Variants in SYNE1 observed in about 807,000 individuals in gnomAD.
The protein encoded by SYNE1 is spectrin repeat containing nuclear envelope protein 1.
A neutral mutation model predicts 1,111.0 loss-of-function variants in SYNE1; 616 were observed. The observed-to-expected ratio is 0.55, with a 90% CI of 0.52 to 0.59. SYNE1 has a LOEUF of 0.59. Ranked by LOEUF, SYNE1 falls within the 20% of genes least tolerant of loss-of-function variation. SYNE1 has a pLI of 0.00. For missense variants in SYNE1, 10,006 were observed against 10,417.0 expected (o/e 0.96, Z 1.72); for synonymous variants, 3,855 against 3,825.8 (o/e 1.01, Z -0.28).
Position 152,429,675 on chromosome 6 carries a change from G to A in SYNE1, c.4788+437C>T, listed in dbSNP as rs77909095. ...CTGTCTGTAGCCTTGCAGAAGATTC[G>A]CAATGATGAGAAAAACCAATCATTG... On this transcript the variant is annotated intron_variant, in intron 36 of 145. Coordinates refer to ENST00000367255, the MANE Select transcript of SYNE1 (RefSeq NM_182961.4). 7.7e-3 allele frequency among the ~76,000 whole-genome samples: 1,168 copies of A among 152,132 alleles called. 13 individuals are homozygous for A. Among genetic ancestry groups the A allele is most frequent in the African/African-American group, 0.026 (1,080 of 41,498 alleles).
intron 2 of SYNE1, among the ~76,000 whole-genome samples, chr6:152,630,266 G>T: frequency 6.6e-6 from 1 of 152,150 alleles, no homozygotes; most frequent in East Asian, 1.9e-4. Flanking sequence ...GGAAGTCATT[G>T]GTAGGAAGAT....
At chr6:152,622,890 G>A (rs908094518) in intron 3 of SYNE1, among the ~76,000 whole-genome samples, 1 of 152,112 alleles carries the variant, frequency 6.6e-6, no homozygotes, top group Non-Finnish European at 1.5e-5. Flanking sequence ...CCAACAGCAT[G>A]TAAGCATTCC....
At chr6:152,532,320 T>C (rs2099207123) in intron 4 of SYNE1, among the ~76,000 whole-genome samples, 1 of 152,206 alleles carries the variant, frequency 6.6e-6, no homozygotes, top group African/African-American at 2.4e-5. Flanking sequence ...TTTGCCATCA[T>C]CCATAATCAC....
At chr6:152,184,202 G>A (rs925948298) in intron 128 of SYNE1, among the ~76,000 whole-genome samples, 3 of 152,188 alleles carry the variant, frequency 2.0e-5, no homozygotes, top group Non-Finnish European at 4.4e-5. Context: ...TTCGGAGACT[G>A]AAGCAGGTGG....
intron 34 of SYNE1, among the ~76,000 whole-genome samples, chr6:152,431,809 TATGA>T (rs1426484209): frequency 6.6e-6 from 1 of 152,222 alleles, no homozygotes; most frequent in Non-Finnish European, 1.5e-5. Context: ...TTATTTTTCA[TATGA>T]ATGAATGAAG....
At position 152,176,511 on chromosome 6, in the gene SYNE1, T is replaced by C. The variant is rs555150996; in HGVS notation, c.23510A>G (p.Gln7837Arg). Residue 7837 changes from glutamine to arginine, a missense_variant, in exon 130 of 146, where the codon CAA becomes CGA. By Grantham distance (43) the Gln-to-Arg change is conservative. Coordinates refer to ENST00000367255, the MANE Select transcript of SYNE1 (RefSeq NM_182961.4). ...TTTAGCAAGTCGTTCTCCCATTTGTTGGAGCTGTATTTTGTTCTCTTGAGC... is the reference window on the plus strand; with the variant it reads ...TTTAGCAAGTCGTTCTCCCATTTGTCGGAGCTGTATTTTGTTCTCTTGAGC... ...AIAQENKIQLQQMGERLAKAS... is the reference protein window; with the variant it reads ...AIAQENKIQLRQMGERLAKAS... 4.3e-6 allele frequency: 7 copies of C among 1,614,188 alleles called. No homozygotes were observed. In the South Asian group the frequency reaches 7.7e-5, roughly 18 times the overall value.
intron 50 of SYNE1, 134 bp from the exon 51 acceptor site, chr6:152,395,805 AAACTT>A (rs2097722487): frequency 1.1e-6 from 1 of 875,918 alleles, no homozygotes; most frequent in Non-Finnish European, 1.8e-6. Context: ...AAACAAAACA[AAACTT>A]AACAACTAAC....
Position 152,483,225 on chromosome 6 carries a change from CA to C in SYNE1, c.1209del (p.Asp404IlefsTer11). On this transcript the variant is annotated frameshift_variant, in exon 14 of 146. Coordinates refer to ENST00000367255, the MANE Select transcript of SYNE1 (RefSeq NM_182961.4). LOFTEE classifies it high-confidence loss of function. ...CCCAGAGGTGCAGGAAGAGATTTAT[CA>C]AGCTGTATATGCCAGTCAAAGAGCT... ...TSRLFDWHIQ[L>X]DKSLPAPLGT... is the part of the protein sequence containing the mutation. 1 of 1,614,148 alleles carries C rather than the reference CA, an allele frequency of 6.2e-7. No homozygotes were observed. The highest frequency in any genetic ancestry group is 8.5e-7 in the Non-Finnish European group (1 of 1,180,022).
chr6:152,520,215 A>C (rs866775321), intron 6 of SYNE1, among the ~76,000 whole-genome samples: 2 of 152,202 alleles, frequency 1.3e-5, no homozygotes, highest in Non-Finnish European at 2.9e-5. Flanking sequence ...CCTTACTTTG[A>C]TAATTGTATT....
chr6:152,606,460 A>C (rs2128729547), intron 3 of SYNE1, among the ~76,000 whole-genome samples: 1 of 152,338 alleles, frequency 6.6e-6, no homozygotes, highest in South Asian at 2.1e-4. Context: ...TTGCAGAGTT[A>C]GAATCTTACC....
At chr6:152,187,486 A>C (rs1161049677) in intron 128 of SYNE1, among the ~76,000 whole-genome samples, 1 of 152,102 alleles carries the variant, frequency 6.6e-6, no homozygotes, top group Non-Finnish European at 1.5e-5. Context: ...GAGTAGGGAC[A>C]TAAGAGCCCC....
At position 152,281,933 on chromosome 6, in the gene SYNE1, C is replaced by A. The variant is rs779775902; in HGVS notation, c.18255G>T (p.Leu6085=). ...CATCGGCTTCACAGCGATACCTCTGCAGGGCCTGTTCCTGCCTTTGTTCCT... is the reference window on the plus strand; with the variant it reads ...CATCGGCTTCACAGCGATACCTCTGAAGGGCCTGTTCCTGCCTTTGTTCCT... ...QLEEQRQEQA[L]QRYRCEADEL... The change falls in exon 97 of 146, where the codon CTG becomes CTT. Residue 6085 remains leucine (L), a synonymous_variant. Coordinates refer to ENST00000367255, the MANE Select transcript of SYNE1 (RefSeq NM_182961.4). The A allele has an allele frequency of 6.2e-6, 10 of 1,614,064 alleles. No homozygotes were observed. The South Asian group carries it at 1.1e-4, about 18-fold the overall frequency.
chr6:152,452,833 C>T (rs144162860), intron 25 of SYNE1, among the ~76,000 whole-genome samples: 257 of 152,326 alleles, frequency 1.7e-3, no homozygotes, highest in African/African-American at 6.0e-3. Flanking sequence ...AAAAGTCAGA[C>T]GGAAGCCCGC....
chr6:152,310,611 C>G (rs1222043946), intron 88 of SYNE1, 77 bp downstream of exon 88: 3 of 1,610,204 alleles, frequency 1.9e-6, no homozygotes, highest in African/African-American at 1.3e-5. Context: ...CAGGTGAGCA[C>G]TATTTCCATA....
chr6:152,228,976 T>C (rs1024722948), intron 115 of SYNE1, among the ~76,000 whole-genome samples: 2 of 152,212 alleles, frequency 1.3e-5, no homozygotes, highest in African/African-American at 4.8e-5. Flanking sequence ...ACGATGTTTT[T>C]CTTTATCAAT....
chr6:152,169,572 A>AAAG (rs2064607800), intron 130 of SYNE1, among the ~76,000 whole-genome samples: 1 of 148,040 alleles, frequency 6.8e-6, no homozygotes, highest in African/African-American at 2.5e-5. Context: ...AAAAAAAAAA[A>AAAG]AAAAAAAAAA....
intron 129 of SYNE1, among the ~76,000 whole-genome samples, chr6:152,177,514 A>G (rs2066782452): frequency 6.6e-6 from 1 of 152,210 alleles, no homozygotes; most frequent in South Asian, 2.1e-4. Context: ...CTCTTGGTCT[A>G]AAGTTAGTGT....
At chr6:152,217,962 T>C (rs1326139695) in intron 121 of SYNE1, among the ~76,000 whole-genome samples, 1 of 152,184 alleles carries the variant, frequency 6.6e-6, no homozygotes, top group Non-Finnish European at 1.5e-5. Flanking sequence ...TGCTCATTCC[T>C]GTAATTCCAG....
chr6:152,373,365 C>A (rs766219385), intron 58 of SYNE1, 146 bp from the exon 59 acceptor site: 3 of 715,796 alleles, frequency 4.2e-6, no homozygotes, highest in Non-Finnish European at 4.5e-6. Flanking sequence ...CTGCAGCCTC[C>A]GTCTTCTGCG....
Sources: gnomAD v4.1 joint callset for allele counts (sites outside exome capture counted in the v4.1 genomes callset) on GRCh38, gnomAD v4.1.1 for gene constraint, MANE v1.5 for transcripts, NCBI Gene and HGNC (gene_info 2026-07-23, HGNC 2026-07-21) for gene names.